KCNH7: variants seen among roughly 807,000 people sequenced by gnomAD.
KCNH7 encodes voltage-gated inwardly rectifying potassium channel KCNH7.
A neutral mutation model predicts 120.8 loss-of-function variants in KCNH7; 49 were observed. That is an observed-to-expected ratio of 0.41 (90% CI 0.32 to 0.51). The LOEUF is 0.51. KCNH7 is among the 20% of genes least tolerant of loss of function. The pLI is 0.38. For missense variants in KCNH7, 1,097 were observed against 1,446.6 expected (o/e 0.76, Z 3.92); for synonymous variants, 547 against 516.1 (o/e 1.06, Z -0.81).
chr2:162,379,702 A>G (rs887744668), intron 14 of KCNH7, 151 bp downstream of exon 14: 18 of 737,284 alleles, frequency 2.4e-5, no homozygotes, highest in Admixed American at 2.1e-4. Context: ...AACACAAATT[A>G]TTCTGTCAAC....
chr2:162,641,906 G>C (rs1684170725), intron 2 of KCNH7, among the ~76,000 whole-genome samples: 1 of 152,010 alleles, frequency 6.6e-6, no homozygotes, highest in Non-Finnish European at 1.5e-5. Context: ...TATGAACATA[G>C]AGTCTGAGGA....
At chr2:162,796,425 T>C (rs542029111) in intron 2 of KCNH7, 1 of 152,144 alleles carries the variant, frequency 6.6e-6, no homozygotes, top group East Asian at 1.9e-4. Context: ...CAGTGTCTGT[T>C]GGGTTCAGCA....
At chr2:162,621,226 C>T (rs13394176) in intron 2 of KCNH7, among the ~76,000 whole-genome samples, 1 of 117,088 alleles carries the variant, frequency 8.5e-6, no homozygotes, top group African/African-American at 3.3e-5. Context: ...TGTTTTTCCT[C>T]TGCTTCACAA....
At chr2:162,471,531 G>A (rs1479042001) in intron 6 of KCNH7, among the ~76,000 whole-genome samples, 1 of 152,170 alleles carries the variant, frequency 6.6e-6, no homozygotes, top group Admixed American at 6.5e-5. Flanking sequence ...GACCTTACAA[G>A]GGATGTGAAG....
intron 2 of KCNH7, among the ~76,000 whole-genome samples, chr2:162,752,902 G>GAAAAAAGAGAAGAAAAGAAAAGAA (rs140501872): frequency 1.6e-5 from 1 of 61,218 alleles, no homozygotes; most frequent in Non-Finnish European, 2.7e-5. Flanking sequence ...CTACATCTCA[G>GAAAAAAGAGAAGAAAAGAAAAGAA]AAAAAGAAAA....
intron 13 of KCNH7, among the ~76,000 whole-genome samples, chr2:162,382,643 C>T (rs1447975248): frequency 6.6e-6 from 1 of 151,942 alleles, no homozygotes; most frequent in Non-Finnish European, 1.5e-5. Flanking sequence ...TTGGATTCAG[C>T]ATCACAAATG....
intron 2 of KCNH7, among the ~76,000 whole-genome samples, chr2:162,546,239 C>T (rs1692472646): frequency 6.6e-6 from 1 of 152,026 alleles, no homozygotes; most frequent in Admixed American, 6.6e-5. Flanking sequence ...CGGTGCTGCA[C>T]TCAATCTCCA....
chr2:162,537,214 C>A, intron 2 of KCNH7, 134 bp from the exon 3 acceptor site: 2 of 655,008 alleles, frequency 3.1e-6, no homozygotes, highest in Non-Finnish European at 4.9e-6. Context: ...ATAATTTGAT[C>A]TTTTTTACTT....
intron 2 of KCNH7, among the ~76,000 whole-genome samples, chr2:162,807,256 CAAAAAAAAAAAAAAAA>C (rs745345993): frequency 6.4e-5 from 1 of 15,628 alleles, no homozygotes; most frequent in East Asian, 1.5e-3. Context: ...ACTAAAAATA[CAAAAAAAAAAAAAAAA>C]AAAAAAAAAA....
intron 2 of KCNH7, among the ~76,000 whole-genome samples, chr2:162,717,327 G>A (rs1397247957): frequency 6.6e-6 from 1 of 152,094 alleles, no homozygotes; most frequent in Non-Finnish European, 1.5e-5. Flanking sequence ...AAAACATGGA[G>A]AGGTTAGGTA....
chr2:162,632,585 A>G (rs1309666691), intron 2 of KCNH7, among the ~76,000 whole-genome samples: 2 of 151,904 alleles, frequency 1.3e-5, no homozygotes, highest in Non-Finnish European at 2.9e-5. Flanking sequence ...CGGTGTCTAA[A>G]AAGAGATCAA....
chr2:162,427,224 C>T (rs1228568300), intron 8 of KCNH7, among the ~76,000 whole-genome samples: 1 of 151,956 alleles, frequency 6.6e-6, no homozygotes, highest in Non-Finnish European at 1.5e-5. Flanking sequence ...TTTTCATTTC[C>T]CTTTTAAACA....
At chr2:162,392,126 A>G (rs1418255699) in intron 12 of KCNH7, among the ~76,000 whole-genome samples, 2 of 152,056 alleles carry the variant, frequency 1.3e-5, no homozygotes, top group Non-Finnish European at 2.9e-5. Context: ...ACAATATTAT[A>G]AGAAGTAAGT....
chr2:162,674,686 T>A (rs1685475568), intron 2 of KCNH7, among the ~76,000 whole-genome samples: 1 of 151,498 alleles, frequency 6.6e-6, no homozygotes, highest in Non-Finnish European at 1.5e-5. Context: ...CAGAAACATT[T>A]CCATACATAA....
At chr2:162,682,819 T>A (rs1269656122) in intron 2 of KCNH7, among the ~76,000 whole-genome samples, 1 of 151,782 alleles carries the variant, frequency 6.6e-6, no homozygotes, top group Non-Finnish European at 1.5e-5. Context: ...ATGGTCAATA[T>A]CACAACATTT....
chr2:162,588,411 T>C (rs1374516177), intron 2 of KCNH7, among the ~76,000 whole-genome samples: 1 of 152,128 alleles, frequency 6.6e-6, no homozygotes, highest in Non-Finnish European at 1.5e-5. Context: ...CTGATTAATA[T>C]ATTACTATGT....
intron 2 of KCNH7, among the ~76,000 whole-genome samples, chr2:162,815,322 A>G (rs1486070450): frequency 2.0e-5 from 3 of 152,222 alleles, no homozygotes; most frequent in African/African-American, 7.2e-5. Flanking sequence ...GTAATATTAA[A>G]AAATGAGACA....
intron 9 of KCNH7, among the ~76,000 whole-genome samples, chr2:162,421,438 C>T (rs900467269): frequency 6.6e-6 from 1 of 152,080 alleles, no homozygotes; most frequent in Admixed American, 6.6e-5. Flanking sequence ...GATTTCTATT[C>T]TGTACTTGGC....
At chr2:162,601,149 G>T (rs1357523349) in intron 2 of KCNH7, among the ~76,000 whole-genome samples, 1 of 151,982 alleles carries the variant, frequency 6.6e-6, no homozygotes, top group African/African-American at 2.4e-5. Context: ...AGTTGGAGAA[G>T]AATGTGATTG....
Sources: allele counts gnomAD v4.1 joint callset (sites outside exome capture counted in the v4.1 genomes callset), GRCh38; gene constraint gnomAD v4.1.1; transcripts MANE v1.5; gene names NCBI Gene and HGNC (gene_info 2026-07-23, HGNC 2026-07-21).